Variants in DACH1 observed in about 807,000 individuals in gnomAD.
DACH1 encodes dachshund family transcription factor 1.
DACH1 carries 12 observed loss-of-function variants against 54.2 expected under a neutral mutation model. The ratio of observed to expected loss-of-function variants is 0.22; its 90% confidence interval spans 0.14 to 0.36. The LOEUF is 0.36. DACH1 is among the 10% of genes least tolerant of loss of function. The pLI is 1.00. For synonymous variants in DACH1, 386 were observed against 366.2 expected (o/e 1.05, Z -0.62); for missense variants, 805 against 929.8 (o/e 0.87, Z 1.75).
At chr13:71,603,571 A>C (rs544636508) in intron 3 of DACH1, among the ~76,000 whole-genome samples, 23 of 152,104 alleles carry the variant, frequency 1.5e-4, no homozygotes, top group Non-Finnish European at 2.9e-4. Flanking sequence ...GCATAGCTAA[A>C]AAAATTCCAC....
intron 1 of DACH1, among the ~76,000 whole-genome samples, chr13:71,851,905 G>A (rs9542759): frequency 0.4 from 60,634 of 151,928 alleles, 14,641 homozygotes; most frequent in East Asian, 0.84. Context: ...TTCTTCAAAA[G>A]TTGATATGTG....
chr13:71,590,795 G>C (rs1873644463), intron 3 of DACH1, among the ~76,000 whole-genome samples: 1 of 150,954 alleles, frequency 6.6e-6, no homozygotes, highest in African/African-American at 2.4e-5. Flanking sequence ...CTTCCTGAGA[G>C]CATCATATTG....
chr13:71,704,454 G>A (rs1027354804), intron 1 of DACH1: 2 of 361,928 alleles, frequency 5.5e-6, no homozygotes, highest in Non-Finnish European at 1.1e-5. Flanking sequence ...TGCGTACTGA[G>A]TATATGAAGA....
chr13:71,464,403 A>C (rs1030984849), intron 10 of DACH1, among the ~76,000 whole-genome samples: 3 of 152,068 alleles, frequency 2.0e-5, no homozygotes, highest in Admixed American at 2.0e-4. Flanking sequence ...AGCTGTTGTA[A>C]GACTAAAGAG....
chr13:71,751,967 T>A (rs897200210), intron 1 of DACH1, among the ~76,000 whole-genome samples: 3 of 152,170 alleles, frequency 2.0e-5, no homozygotes, highest in African/African-American at 7.2e-5. Context: ...ATTGAAATTT[T>A]AAAAAATCTC....
At chr13:71,837,691 A>T (rs1002376089) in intron 1 of DACH1, among the ~76,000 whole-genome samples, 4 of 131,924 alleles carry the variant, frequency 3.0e-5, no homozygotes, top group African/African-American at 9.8e-5. Flanking sequence ...ACTATAAATC[A>T]TGCTGCTATA....
At chr13:71,696,492 G>A (rs541331405) in intron 1 of DACH1, among the ~76,000 whole-genome samples, 1 of 151,950 alleles carries the variant, frequency 6.6e-6, no homozygotes, top group East Asian at 1.9e-4. Flanking sequence ...AAATGTTTCA[G>A]CCTTAAGTAA....
chr13:71,503,028 G>A (rs763071953), intron 6 of DACH1, among the ~76,000 whole-genome samples: 2 of 152,126 alleles, frequency 1.3e-5, no homozygotes, highest in Non-Finnish European at 2.9e-5. Context: ...GTTTTAATGG[G>A]TCCCTTCTTT....
intron 1 of DACH1, among the ~76,000 whole-genome samples, chr13:71,822,220 TTAA>T (rs1888222069): frequency 1.3e-5 from 2 of 152,166 alleles, no homozygotes; most frequent in Non-Finnish European, 2.9e-5. Flanking sequence ...TTTAAATAAG[TTAA>T]TAATATAATT....
intron 1 of DACH1, among the ~76,000 whole-genome samples, chr13:71,840,327 C>G (rs1188636985): frequency 6.6e-6 from 1 of 152,126 alleles, no homozygotes; most frequent in Non-Finnish European, 1.5e-5. Context: ...ATCCAAAACA[C>G]AAATTCAATC....
chr13:71,783,582 G>A (rs969151119), intron 1 of DACH1, among the ~76,000 whole-genome samples: 3 of 151,940 alleles, frequency 2.0e-5, no homozygotes, highest in African/African-American at 7.2e-5. Flanking sequence ...ATACAGAAAC[G>A]ATAACCAACG....
chr13:71,474,701 A>C (rs1877364960), intron 10 of DACH1, among the ~76,000 whole-genome samples: 1 of 152,146 alleles, frequency 6.6e-6, no homozygotes, highest in African/African-American at 2.4e-5. Context: ...GTTAACATTC[A>C]ACTAGTCTAT....
chr13:71,595,581 T>C (rs1195669712), intron 3 of DACH1, among the ~76,000 whole-genome samples: 6 of 152,144 alleles, frequency 3.9e-5, no homozygotes, highest in Non-Finnish European at 8.8e-5. Flanking sequence ...GTTTTAGGCA[T>C]GAACAAGTGT....
At chr13:71,793,655 C>CGA (rs1886922957) in intron 1 of DACH1, among the ~76,000 whole-genome samples, 1 of 152,078 alleles carries the variant, frequency 6.6e-6, no homozygotes, top group Admixed American at 6.6e-5. Flanking sequence ...CACAGCCTCT[C>CGA]GAGTAGCTGG....
At chr13:71,564,105 A>G (rs1288405229) in intron 4 of DACH1, among the ~76,000 whole-genome samples, 1 of 152,064 alleles carries the variant, frequency 6.6e-6, no homozygotes, top group African/African-American at 2.4e-5. Flanking sequence ...TTGCCTTTCC[A>G]GAGTATTCTA....
intron 6 of DACH1, among the ~76,000 whole-genome samples, chr13:71,527,398 A>G (rs1219639020): frequency 1.3e-5 from 2 of 152,154 alleles, no homozygotes; most frequent in Non-Finnish European, 2.9e-5. Context: ...TTTGCGTTGC[A>G]ACTTCGGAGC....
Position 71,864,180 on chromosome 13 carries a change from TAC to T in DACH1, c.848+1740_848+1741del, listed in dbSNP as rs55651625. ...ATACTTTTGAGCGCGCGCGCGCACA[TAC>T]ACACACACACACACACACACACACA... On this transcript the variant is annotated intron_variant, in intron 1 of 10. Coordinates refer to ENST00000613252, the MANE Select transcript of DACH1 (RefSeq NM_080759.6). Among the ~76,000 whole-genome samples, 1,005 of 107,976 alleles carry T rather than the reference TAC, an allele frequency of 9.3e-3. 2 individuals are homozygous for T. Among genetic ancestry groups the T allele is most frequent in the South Asian group, 0.022 (68 of 3,042 alleles). 70.8% of individuals were successfully genotyped at this position (107,976 alleles called of 152,430 possible).
At chr13:71,462,025 C>T (rs1876120720) in intron 10 of DACH1, among the ~76,000 whole-genome samples, 1 of 151,806 alleles carries the variant, frequency 6.6e-6, no homozygotes, top group South Asian at 2.1e-4. Context: ...TAAAATCTCC[C>T]CATCCAGCAC....
At chr13:71,450,161 C>T (rs1192062844) in intron 10 of DACH1, among the ~76,000 whole-genome samples, 3 of 138,112 alleles carry the variant, frequency 2.2e-5, no homozygotes, top group African/African-American at 5.2e-5. Flanking sequence ...TATTGTGGGA[C>T]ACAGATACTT....
Sources: gnomAD v4.1 joint callset for allele counts (sites outside exome capture counted in the v4.1 genomes callset) on GRCh38, gnomAD v4.1.1 for gene constraint, MANE v1.5 for transcripts, NCBI Gene and HGNC (gene_info 2026-07-23, HGNC 2026-07-21) for gene names.